FRYL: variants seen among roughly 807,000 people sequenced by gnomAD.
The protein encoded by FRYL is FRY like transcription coactivator, also known as protein furry homolog-like.
In FRYL, 150 loss-of-function variants were observed where a neutral mutation model predicts 351.2. The ratio of observed to expected loss-of-function variants is 0.43; its 90% CI spans 0.37 to 0.49. The LOEUF is 0.49. Ranked by LOEUF, FRYL falls within the 20% of genes least tolerant of loss-of-function variation. The pLI is 0.00. For synonymous variants in FRYL, 1,153 were observed against 1,257.1 expected, an observed-to-expected ratio of 0.92 and a Z score of 1.75; for missense variants, 3,036 against 3,619.3, an observed-to-expected ratio of 0.84 and a Z score of 4.13.
At chr4:48,630,098 C>G (rs774496141) in intron 4 of FRYL, among the ~76,000 whole-genome samples, 28 of 152,050 alleles carry the variant, frequency 1.8e-4, no homozygotes, top group Non-Finnish European at 3.8e-4. Context: ...AAAGCCTAAA[C>G]TCTCCCATTC....
Position 48,609,751 on chromosome 4 carries a change from T to C in FRYL, c.484A>G (p.Lys162Glu), listed in dbSNP as rs1182254775. The change falls in exon 8 of 64, where the codon AAG (lysine) becomes GAG (glutamate). Residue 162 changes from lysine to glutamate, a missense_variant. By Grantham distance (56) the Lys-to-Glu change is moderately conservative (BLOSUM62 1). This residue lies in a region of FRYL where 457 missense variants were observed against 566.6 expected (regional missense o/e 0.81). Coordinates refer to ENST00000358350, the MANE Select transcript of FRYL (RefSeq NM_015030.2). ...AGTTAGTATTTTACTTACCCTTCCT[T>C]ATGTTTAAAGTGCTTAAAAGCTAAG... ...LNLAFKHFKH[K>E]EGYSGTNTGN... is the part of the protein sequence containing the mutation. 3.9e-6 allele frequency: 6 copies of C among 1,541,764 alleles called. No homozygotes were observed. Among genetic ancestry groups the C allele is most frequent in the South Asian group, 2.4e-5 (2 of 83,174 alleles).
At chr4:48,520,172 T>C (rs1724597396) in intron 55 of FRYL, among the ~76,000 whole-genome samples, 1 of 152,158 alleles carries the variant, frequency 6.6e-6, no homozygotes, top group Admixed American at 6.5e-5. Context: ...CAATAAATAT[T>C]TGTTGAATTG....
intron 1 of FRYL, among the ~76,000 whole-genome samples, chr4:48,740,924 C>T (rs944959126): frequency 1.2e-4 from 18 of 151,770 alleles, no homozygotes; most frequent in African/African-American, 4.1e-4. Flanking sequence ...GAGATGAAAA[C>T]ATATTTCTAC....
chr4:48,728,687 C>T (rs913817132), intron 1 of FRYL, among the ~76,000 whole-genome samples: 2 of 152,140 alleles, frequency 1.3e-5, no homozygotes, highest in African/African-American at 4.8e-5. Flanking sequence ...TATAGAAGAA[C>T]AAAGATAAGA....
At chr4:48,627,642 G>C (rs1035432265) in intron 4 of FRYL, among the ~76,000 whole-genome samples, 1 of 152,056 alleles carries the variant, frequency 6.6e-6, no homozygotes, top group Non-Finnish European at 1.5e-5. Context: ...AATAAAAACA[G>C]AAAAACAGAA....
intron 4 of FRYL, among the ~76,000 whole-genome samples, chr4:48,627,536 T>C (rs944425570): frequency 1.3e-5 from 2 of 152,124 alleles, no homozygotes; most frequent in African/African-American, 4.8e-5. Context: ...CACAGAGCTT[T>C]TCCTGAAGCG....
At chr4:48,761,003 CTGTCTGTGTGTGTG>C (rs746870435) in intron 1 of FRYL, among the ~76,000 whole-genome samples, 13 of 121,688 alleles carry the variant, frequency 1.1e-4, no homozygotes, top group East Asian at 4.7e-4. Context: ...TATTATTACT[CTGTCTGTGTGTGTG>C]TGTGTGTGTG....
intron 1 of FRYL, among the ~76,000 whole-genome samples, chr4:48,773,778 G>A (rs1775749259): frequency 6.6e-6 from 1 of 152,156 alleles, no homozygotes; most frequent in Non-Finnish European, 1.5e-5. Context: ...ATAGCTGGGT[G>A]TGGTGGCACA....
chr4:48,521,313 G>A lies in FRYL; in HGVS notation c.7522-98C>T, dbSNP rs372657722. 3.0e-5 allele frequency: 24 copies of A among 806,802 alleles called. No individual in the cohort carries two copies. The East Asian group carries it at 5.7e-4, about 19-fold the overall frequency. 50.0% of individuals were successfully genotyped at this position (806,802 alleles called of 1,614,324 possible). A position where few individuals can be genotyped will look rare whatever the true frequency, so the allele number is the denominator to read the frequency against. ...AATATTTTAGGGGCTTCGTTATAAAGAGCTTCTGAGATTTCCTAAAATCAT... is the reference window on the plus strand; with the variant it reads ...AATATTTTAGGGGCTTCGTTATAAAAAGCTTCTGAGATTTCCTAAAATCAT... On this transcript the variant is annotated intron_variant, in intron 54 of 63. Transcript: ENST00000358350.
intron 3 of FRYL, among the ~76,000 whole-genome samples, chr4:48,645,124 T>TTTTATATATATATA (rs1382232717): frequency 9.5e-6 from 1 of 105,446 alleles, no homozygotes; most frequent in African/African-American, 3.1e-5. Flanking sequence ...AGCTTTCATT[T>TTTTATATATATATA]TATATATATA....
chr4:48,547,577 CA>C lies in FRYL; in HGVS notation c.5074+6del. On this transcript the variant is annotated splice_donor_region_variant and intron_variant, in intron 41 of 63. Transcript: ENST00000358350. Reference sequence around the variant, plus strand: ...CTACTTTCAAATTGTACATTTAAAGCAAATACCTGTGAAATTATAATCTAAG... The same window carrying C: ...CTACTTTCAAATTGTACATTTAAAGCAATACCTGTGAAATTATAATCTAAG... 4 of 1,501,510 alleles carry C rather than the reference CA, an allele frequency of 2.7e-6. No individual in the cohort carries two copies. The highest frequency in any genetic ancestry group is 3.6e-6 in the Non-Finnish European group (4 of 1,103,068). The allele number at this position is 1,501,510 out of a possible 1,614,324, so 93.0% of individuals were successfully genotyped here.
intron 21 of FRYL, 104 bp from the exon 22 acceptor site, chr4:48,581,055 T>C: frequency 1.4e-6 from 1 of 694,628 alleles, no homozygotes; most frequent in Non-Finnish European, 2.3e-6. Context: ...TTTTTTTTTT[T>C]TTTTTTTTGA....
At chr4:48,687,492 C>CGGG (rs561805370) in intron 2 of FRYL, among the ~76,000 whole-genome samples, 2 of 46,578 alleles carry the variant, frequency 4.3e-5, no homozygotes, top group African/African-American at 2.2e-4. Context: ...CAAATGAGGT[C>CGGG]GGGGGGGGGG....
intron 37 of FRYL, 42 bp downstream of exon 37, chr4:48,551,452 C>A (rs1258051593): frequency 9.6e-7 from 1 of 1,047,080 alleles, no homozygotes; most frequent in Non-Finnish European, 1.4e-6. Context: ...CAACCAGTAT[C>A]TGTCAAACTG....
intron 1 of FRYL, among the ~76,000 whole-genome samples, chr4:48,719,893 T>C (rs994274057): frequency 6.6e-5 from 10 of 151,622 alleles, no homozygotes; most frequent in African/African-American, 2.4e-4. Context: ...GGCTCACGCC[T>C]GTAATCCCAG....
At chr4:48,585,325 A>G (rs781531859) in intron 19 of FRYL, among the ~76,000 whole-genome samples, 1 of 152,234 alleles carries the variant, frequency 6.6e-6, no homozygotes, top group Non-Finnish European at 1.5e-5. Context: ...CACAATCATC[A>G]CAGGAGACAT....
At chr4:48,740,356 G>A (rs1012879573) in intron 1 of FRYL, among the ~76,000 whole-genome samples, 17 of 138,348 alleles carry the variant, frequency 1.2e-4, no homozygotes, top group Admixed American at 2.3e-4. Flanking sequence ...ATGCAGTGAC[G>A]CGATTTCTGC....
chr4:48,554,703 G>A (rs1333437647), intron 35 of FRYL, among the ~76,000 whole-genome samples: 3 of 152,102 alleles, frequency 2.0e-5, no homozygotes, highest in Admixed American at 1.3e-4. Flanking sequence ...CATCCAATGG[G>A]CACTACTTGC....
chr4:48,744,581 A>G (rs1398572339), intron 1 of FRYL, among the ~76,000 whole-genome samples: 1 of 152,238 alleles, frequency 6.6e-6, no homozygotes, highest in Non-Finnish European at 1.5e-5. Context: ...GCAGCAAAGC[A>G]GTTAAATAAA....
Sources: gnomAD v4.1 joint callset for allele counts (sites outside exome capture counted in the v4.1 genomes callset) on GRCh38, gnomAD v4.1.1 for gene constraint, gnomAD v4.1.1 regional missense constraint, MANE v1.5 for transcripts, NCBI Gene and HGNC (gene_info 2026-07-23, HGNC 2026-07-21) for gene names.